The following PPFIA2 variants were observed in gnomAD, a reference collection of about 807,000 sequenced individuals.
PPFIA2 encodes PPFI scaffold protein A2, also known as liprin-alpha-2.
In PPFIA2, 46 loss-of-function variants were observed where a neutral mutation model predicts 175.5. The ratio of observed to expected loss-of-function variants is 0.26; its 90% CI spans 0.21 to 0.34. The LOEUF (loss-of-function observed/expected upper bound fraction) is 0.34, where lower values mean the gene tolerates loss of function less well. Among genes scored for constraint, PPFIA2 ranks in the 10% least tolerant of loss-of-function variants. The pLI is 1.00. For synonymous variants in PPFIA2, 568 were observed against 511.4 expected (o/e 1.11, Z -1.49); for missense variants, 1,179 against 1,506.1 (o/e 0.78, Z 3.60).
At chr12:81,453,904 T>G (rs1159776654) in intron 5 of PPFIA2, among the ~76,000 whole-genome samples, 1 of 152,050 alleles carries the variant, frequency 6.6e-6, no homozygotes, top group Non-Finnish European at 1.5e-5. Flanking sequence ...TAACACAAAA[T>G]AAAGTAGGAT....
intron 8 of PPFIA2, among the ~76,000 whole-genome samples, chr12:81,395,311 T>C (rs1348823189): frequency 1.3e-5 from 2 of 151,990 alleles, no homozygotes; most frequent in Non-Finnish European, 2.9e-5. Context: ...GAACATAAAA[T>C]AATACACAAA....
intron 4 of PPFIA2, among the ~76,000 whole-genome samples, chr12:81,463,251 CAG>C (rs1305367120): frequency 6.6e-6 from 1 of 152,022 alleles, no homozygotes; most frequent in African/African-American, 2.4e-5. Flanking sequence ...ATGTATAACA[CAG>C]AGTATTATCA....
At chr12:81,429,029 T>A (rs1443751530) in intron 7 of PPFIA2, among the ~76,000 whole-genome samples, 4 of 152,106 alleles carry the variant, frequency 2.6e-5, no homozygotes, top group African/African-American at 9.6e-5. Flanking sequence ...AAATCTCTTT[T>A]ATCTGACTTT....
intron 4 of PPFIA2, among the ~76,000 whole-genome samples, chr12:81,575,705 T>A (rs1371880948): frequency 6.6e-6 from 1 of 151,768 alleles, no homozygotes; most frequent in Non-Finnish European, 1.5e-5. Flanking sequence ...AGGAACATGA[T>A]CATATCTATT....
intron 28 of PPFIA2, among the ~76,000 whole-genome samples, chr12:81,275,544 T>C (rs1333387286): frequency 6.6e-6 from 1 of 152,114 alleles, no homozygotes; most frequent in South Asian, 2.1e-4. Context: ...TATTGGAGAA[T>C]GTAATATATA....
chr12:81,476,229 G>A (rs1363566139), intron 4 of PPFIA2, among the ~76,000 whole-genome samples: 3 of 152,138 alleles, frequency 2.0e-5, no homozygotes, highest in Admixed American at 6.6e-5. Context: ...TAATGATTTG[G>A]TTTTTCATGA....
chr12:81,357,962 CTG>C, intron 16 of PPFIA2, 118 bp downstream of exon 16: 16 of 1,054,898 alleles, frequency 1.5e-5, no homozygotes, highest in Admixed American at 6.1e-5. Context: ...ATGTCATACT[CTG>C]TGTTTCAAAT....
chr12:81,380,229 G>A (rs1405054586), intron 9 of PPFIA2, among the ~76,000 whole-genome samples: 3 of 152,048 alleles, frequency 2.0e-5, no homozygotes, highest in Non-Finnish European at 4.4e-5. Context: ...TCCAGACATC[G>A]TGACATGTGC....
chr12:81,417,670 A>C (rs532395956), intron 7 of PPFIA2, among the ~76,000 whole-genome samples: 1 of 151,930 alleles, frequency 6.6e-6, no homozygotes, highest in African/African-American at 2.4e-5. Flanking sequence ...TTCTAATGGT[A>C]ATTATCATGT....
chr12:81,335,696 T>G (rs2057000276), intron 21 of PPFIA2, among the ~76,000 whole-genome samples: 1 of 151,534 alleles, frequency 6.6e-6, no homozygotes, highest in African/African-American at 2.4e-5. Context: ...TGAGCCGAGA[T>G]TGTGCCACTG....
intron 4 of PPFIA2, among the ~76,000 whole-genome samples, chr12:81,553,301 T>C (rs1354478479): frequency 6.6e-6 from 1 of 152,076 alleles, no homozygotes; most frequent in Non-Finnish European, 1.5e-5. Flanking sequence ...AGGAATACAT[T>C]AATAATTAAA....
intron 3 of PPFIA2, among the ~76,000 whole-genome samples, chr12:81,685,493 C>T (rs1288445027): frequency 4.6e-5 from 7 of 152,000 alleles, no homozygotes; most frequent in African/African-American, 1.4e-4. Flanking sequence ...TTCCTTAAGC[C>T]ACACAATTAA....
At chr12:81,294,447 A>T (rs201607884) in intron 24 of PPFIA2, 49 of 82,450 alleles carry the variant, frequency 5.9e-4, no homozygotes, top group East Asian at 2.5e-3. Context: ...GGTAGGAAGG[A>T]AGGAAGGAAG....
chr12:81,370,695 C>A (rs779082609), intron 11 of PPFIA2, among the ~76,000 whole-genome samples: 2 of 151,700 alleles, frequency 1.3e-5, no homozygotes, highest in Non-Finnish European at 2.9e-5. Flanking sequence ...TGGAGGTGAC[C>A]GTCAGGTTAC....
chr12:81,486,927 C>A (rs950123934), intron 4 of PPFIA2, among the ~76,000 whole-genome samples: 1 of 151,892 alleles, frequency 6.6e-6, no homozygotes, highest in African/African-American at 2.4e-5. Context: ...TCAACTCCAT[C>A]CCCTTCTTAT....
chr12:81,626,263 T>C (rs1201779794), intron 4 of PPFIA2, among the ~76,000 whole-genome samples: 1 of 151,902 alleles, frequency 6.6e-6, no homozygotes, highest in Non-Finnish European at 1.5e-5. Flanking sequence ...ATAATAACTT[T>C]CTGTAAGTTG....
At chr12:81,603,952 C>T (rs192534609) in intron 4 of PPFIA2, among the ~76,000 whole-genome samples, 26 of 151,408 alleles carry the variant, frequency 1.7e-4, no homozygotes, top group Admixed American at 1.6e-3. Flanking sequence ...TTACCAAATG[C>T]CTTAAATTTG....
At chr12:81,676,733 C>G in intron 4 of PPFIA2, 58 bp downstream of exon 4, 1 of 1,211,482 alleles carries the variant, frequency 8.3e-7, no homozygotes, top group Non-Finnish European at 1.1e-6. Flanking sequence ...AACTGATAAT[C>G]TGGTGTGTAC....
intron 4 of PPFIA2, among the ~76,000 whole-genome samples, chr12:81,640,630 C>T (rs893743260): frequency 1.3e-5 from 2 of 152,036 alleles, no homozygotes; most frequent in African/African-American, 4.8e-5. Flanking sequence ...TTTCCATTGA[C>T]AGTACAATTA....
Sources: gnomAD v4.1 joint callset for allele counts (sites outside exome capture counted in the v4.1 genomes callset) on GRCh38, gnomAD v4.1.1 for gene constraint, MANE v1.5 for transcripts, NCBI Gene and HGNC (gene_info 2026-07-23, HGNC 2026-07-21) for gene names.